Variants in DNAJB2 observed in about 807,000 individuals in gnomAD.
DNAJB2 encodes DnaJ heat shock protein family (Hsp40) member B2.
DNAJB2 carries 19 observed loss-of-function variants against 33.3 expected under a neutral mutation model. The ratio of observed to expected loss-of-function variants is 0.57; its 90% CI spans 0.40 to 0.84. The LOEUF is 0.84. DNAJB2 is among the 40% of genes least tolerant of loss of function. The pLI is 0.00. For synonymous variants in DNAJB2, 172 were observed against 164.6 expected, an observed-to-expected ratio of 1.04 and a Z score of -0.34; for missense variants, 368 against 430.9, an observed-to-expected ratio of 0.85 and a Z score of 1.29.
intron 3 of DNAJB2, chr2:219,281,412 T>C (rs1951902857): frequency 1.0e-5 from 4 of 386,872 alleles, no homozygotes; most frequent in Non-Finnish European, 1.9e-5. Flanking sequence ...CTAACATTTA[T>C]TGAACACTTT....
rs748638654 is a variant in DNAJB2 at position 219,280,668 on chromosome 2, A to C, written c.156A>C (p.Ala52=). ...AGAAATTTAAGGAGGTGGCCGAGGCATATGAAGTGCTGTCTGACAGTAAGG... is the reference window on the plus strand; with the variant it reads ...AGAAATTTAAGGAGGTGGCCGAGGCCTATGAAGTGCTGTCTGACAGTAAGG... ...AEKKFKEVAE[A]YEVLSDKHKR... Residue 52 remains alanine, a synonymous_variant, in exon 3 of 9, where the codon GCA becomes GCC. Transcript: ENST00000336576. The C allele has an allele frequency of 6.2e-7, 1 of 1,613,994 alleles. No homozygotes were observed. Among genetic ancestry groups the C allele is most frequent in the Non-Finnish European group, 8.5e-7 (1 of 1,179,942 alleles).
Position 219,279,956 on chromosome 2 carries a change from G to T in DNAJB2, c.65+58G>T. 2 of 1,598,840 alleles carry T rather than the reference G, an allele frequency of 1.3e-6. No individual in the cohort carries two copies. The highest frequency in any genetic ancestry group is 1.1e-5 in the South Asian group (1 of 90,426). The stretch of plus-strand genomic sequence containing the variant: ...CACCCTCCACCCGCCACCACCATGG[G>T]GCACTTCAGAGTGACACCTGTAGGT... On this transcript the variant is annotated intron_variant, in intron 2 of 8. Transcript: ENST00000336576. The surrounding 1 kb of genome is among the most constrained non-coding windows in gnomAD (Gnocchi z 4.9).
chr2:219,284,622 A>C lies in DNAJB2; in HGVS notation c.620-10A>C. ...AGGTTGGGGCCTCATGGTGGCTGTG[A>C]CTCTTGCAGGTGTCCCAGATGACCT... On this transcript the variant is annotated splice_polypyrimidine_tract_variant and intron_variant, in intron 8 of 8. Coordinates refer to ENST00000336576, the MANE Select transcript of DNAJB2 (RefSeq NM_006736.6). The C allele has an allele frequency of 1.3e-6, 2 of 1,571,134 alleles. No individual in the cohort carries two copies. The highest frequency in any genetic ancestry group is 1.7e-6 in the Non-Finnish European group (2 of 1,153,416).
At chr2:219,280,099 G>T (rs1951890786) in intron 2 of DNAJB2, 2 of 602,012 alleles carry the variant, frequency 3.3e-6, no homozygotes. Context: ...GAAGTAGTTA[G>T]TTCCTCTGGG....
At position 219,283,086 on chromosome 2, in the gene DNAJB2, GTCT is replaced by G. The variant is rs140419734; in HGVS notation, c.446-40_446-38del. 0.041 allele frequency: 65,856 copies of G among 1,609,596 alleles called. 1,543 individuals are homozygous for G. The highest frequency in any genetic ancestry group is 0.051 in the Middle Eastern group (309 of 6,056). The stretch of plus-strand genomic sequence containing the variant: ...CTCGGTGACCACAACAGGCAGCGCA[GTCT>G]TCTTCTAACCACCTCTCCTCCTCCT... On this transcript the variant is annotated intron_variant, in intron 6 of 8. Coordinates refer to ENST00000336576, the MANE Select transcript of DNAJB2 (RefSeq NM_006736.6).
At position 219,284,956 on chromosome 2, in the gene DNAJB2, A is replaced by G; in HGVS notation, c.944A>G (p.Glu315Gly). 2 of 1,539,506 alleles carry G rather than the reference A, an allele frequency of 1.3e-6. No homozygotes were observed. The highest frequency in any genetic ancestry group is 3.9e-5 in the Admixed American group (2 of 51,556). ...GEATKRSPSPEEKASRCLIL is the reference protein window; with the variant it reads ...GEATKRSPSPGEKASRCLIL ...GCAACCAAACGCAGTCCATCCCCAG[A>G]GGAGAAGGCCTCTCGCTGCCTCATC... The change falls in exon 9 of 9, where the codon GAG becomes GGG. Residue 315 changes from glutamate (E) to glycine (G), a missense_variant. Transcript: ENST00000336576.
chr2:219,285,252 G>A lies in DNAJB2; in HGVS notation c.*265G>A. The A allele has an allele frequency of 8.4e-7, 1 of 1,186,210 alleles. No homozygotes were observed. The highest frequency in any genetic ancestry group is 4.0e-5 in the South Asian group (1 of 25,306). 73.5% of individuals were successfully genotyped at this position (1,186,210 alleles called of 1,614,324 possible). A position where few individuals can be genotyped will look rare whatever the true frequency, so the allele number is the denominator to read the frequency against. On this transcript the variant is annotated 3_prime_UTR_variant, in exon 9 of 9. Transcript: ENST00000336576. ...CCGAGGAGCCAGGTTGCATTTATTGGATGGGGAGCTCCAAGGGGCATTAGT... is the reference window on the plus strand; with the variant it reads ...CCGAGGAGCCAGGTTGCATTTATTGAATGGGGAGCTCCAAGGGGCATTAGT...
chr2:219,280,487 T>C, intron 2 of DNAJB2, 91 bp from the exon 3 acceptor site: 2 of 977,504 alleles, frequency 2.0e-6, no homozygotes, highest in Non-Finnish European at 3.2e-6. Context: ...AGGACAGTGA[T>C]AGGCTAATGG....
At chr2:219,280,183 C>T (rs991804706) in intron 2 of DNAJB2, 4 of 537,656 alleles carry the variant, frequency 7.4e-6, no homozygotes, top group Non-Finnish European at 1.0e-5. Context: ...TTTCCCCTCC[C>T]CTCCCCCTTC....
intron 8 of DNAJB2, 55 bp from the exon 9 acceptor site, chr2:219,284,576 TG>T: frequency 6.5e-7 from 1 of 1,528,198 alleles, no homozygotes. Flanking sequence ...TGAGGCAGCC[TG>T]GCAGTAATAC....
Position 219,286,036 on chromosome 2 carries a change from C to T in DNAJB2, c.*1049C>T. On this transcript the variant is annotated 3_prime_UTR_variant, in exon 9 of 9. Transcript: ENST00000336576. ...TTCCAGAATCGCTGCACAGTTCCAA[C>T]AGGACAGCGCCTTCCCCCATGCGCT... The T allele has an allele frequency of 6.2e-7, 1 of 1,610,934 alleles. No homozygotes were observed. Among genetic ancestry groups the T allele is most frequent in the African/African-American group, 1.3e-5 (1 of 74,908 alleles).
Position 219,279,706 on chromosome 2 carries a change from T to C in DNAJB2, c.-36-92T>C, listed in dbSNP as rs146469926. The C allele has an allele frequency of 8.4e-4, 825 of 985,554 alleles. 11 individuals are homozygous for C. The African/African-American group carries it at 0.011, about 14-fold the overall frequency. 61.1% of individuals were successfully genotyped at this position (985,554 alleles called of 1,614,324 possible). On this transcript the variant is annotated intron_variant, in intron 1 of 8. Transcript: ENST00000336576. The surrounding 1 kb of genome is among the most constrained non-coding windows in gnomAD (Gnocchi z 4.9). ...GAGCCCGGTGTGCTCCGCTTCCAAC[T>C]GGGAGCGCCTTCCGCCACCCGGGGA...
rs754148588 is a variant in DNAJB2 at position 219,284,970 on chromosome 2, CGCT to C, written c.961_963del (p.Cys321del). The C allele has an allele frequency of 2.0e-6, 3 of 1,519,756 alleles. No homozygotes were observed. The African/African-American group carries it at 4.1e-5, about 21-fold the overall frequency. The allele number at this position is 1,519,756 out of a possible 1,614,324, so 94.1% of individuals were successfully genotyped here. On this transcript the variant is annotated inframe_deletion, in exon 9 of 9. Transcript: ENST00000336576. Reference sequence around the variant, plus strand: ...TCCATCCCCAGAGGAGAAGGCCTCTCGCTGCCTCATCCTCTGAACACCGGGCCC... The same window carrying C: ...TCCATCCCCAGAGGAGAAGGCCTCTCGCCTCATCCTCTGAACACCGGGCCC...
intron 2 of DNAJB2, chr2:219,280,267 G>T: frequency 1.9e-6 from 1 of 517,210 alleles, no homozygotes; most frequent in Non-Finnish European, 3.5e-6. Context: ...AGGAGGGGCC[G>T]GTGTCCCTGT....
intron 7 of DNAJB2, 90 bp from the exon 8 acceptor site, chr2:219,283,329 C>T: frequency 1.2e-6 from 2 of 1,605,128 alleles, no homozygotes; most frequent in Middle Eastern, 1.7e-4. Flanking sequence ...AGGGCCCAGT[C>T]TGCGCTCTCT....
In DNAJB2 at chr2:219,284,679, C is replaced by T; in HGVS notation, c.667C>T (p.Gln223Ter). 1 of 1,608,350 alleles carries T rather than the reference C, an allele frequency of 6.2e-7. No individual in the cohort carries two copies. The highest frequency in any genetic ancestry group is 8.5e-7 in the Non-Finnish European group (1 of 1,176,496). The change falls in exon 9 of 9, where the codon CAG (glutamine) becomes TAG (stop). Residue 223 changes from glutamine (Q) to a stop codon, truncating the protein, a stop_gained. Transcript: ENST00000336576. LOFTEE classifies it high-confidence loss of function. Reference sequence around the variant, plus strand: ...GGGCTTGGAGCTGAGCCGTCGCGAGCAGCAGCCGTCAGTCACTTCCAGGTC... The same window carrying T: ...GGGCTTGGAGCTGAGCCGTCGCGAGTAGCAGCCGTCAGTCACTTCCAGGTC... Reference protein sequence around the residue: ...ALGLELSRREQQPSVTSRSGG... With the variant: ...ALGLELSRRE
chr2:219,280,866 A>C lies in DNAJB2; in HGVS notation c.175+179A>C, dbSNP rs547769600. On this transcript the variant is annotated intron_variant, in intron 3 of 8. Transcript: ENST00000336576. ...TGTCTGCTCCCCAGAGTCTGGTAGG[A>C]GTGGCTGGCATGAGACCTGAAAGGG... The C allele has an allele frequency of 8.4e-6, 5 of 593,786 alleles. No individual in the cohort carries two copies. The South Asian group carries it at 1.0e-4, about 12-fold the overall frequency. 36.8% of individuals were successfully genotyped at this position (593,786 alleles called of 1,614,324 possible). A position where few individuals can be genotyped will look rare whatever the true frequency, so the allele number is the denominator to read the frequency against.
chr2:219,281,576 G>A (rs1040868938), intron 3 of DNAJB2, 142 bp from the exon 4 acceptor site: 15 of 1,054,978 alleles, frequency 1.4e-5, no homozygotes, highest in South Asian at 2.9e-5. Context: ...CCTATAGCCC[G>A]TGTCCCCTGG....
In DNAJB2 at chr2:219,284,788, T is replaced by C; in HGVS notation, c.776T>C (p.Met259Thr). Residue 259 changes from methionine to threonine, a missense_variant, in exon 9 of 9, where the codon ATG (methionine) becomes ACG (threonine). Coordinates refer to ENST00000336576, the MANE Select transcript of DNAJB2 (RefSeq NM_006736.6). ...LSEDEDLQLAMAYSLSEMEAA... is the reference protein window; with the variant it reads ...LSEDEDLQLATAYSLSEMEAA... ...GAGGATGAGGACCTGCAGCTGGCCA[T>C]GGCCTACAGCCTGTCAGAGATGGAG... The C allele has an allele frequency of 1.2e-6, 2 of 1,613,216 alleles. No homozygotes were observed. The highest frequency in any genetic ancestry group is 1.7e-6 in the Non-Finnish European group (2 of 1,179,844).
Sources: allele counts gnomAD v4.1 joint callset, GRCh38; gene constraint gnomAD v4.1.1; non-coding constraint Gnocchi (gnomAD v3.1); transcripts MANE v1.5; gene names NCBI Gene and HGNC (gene_info 2026-07-23, HGNC 2026-07-21).